Variants in METTL1 observed in about 807,000 individuals in gnomAD.
METTL1 encodes tRNA (guanine-N(7)-)-methyltransferase.
A neutral mutation model predicts 27.7 loss-of-function variants in METTL1; 14 were observed. The ratio of observed to expected loss-of-function variants is 0.51; its 90% confidence interval spans 0.33 to 0.79. METTL1 has a LOEUF of 0.79. METTL1 is among the 30% of genes least tolerant of loss of function. The pLI is 0.02. For synonymous variants in METTL1, 138 were observed against 137.0 expected, an observed-to-expected ratio of 1.01 and a Z score of -0.05; for missense variants, 333 against 359.6, an observed-to-expected ratio of 0.93 and a Z score of 0.60.
In METTL1 at chr12:57,771,083, CTGAG is replaced by C; in HGVS notation, c.274+7_274+10del. 6.2e-7 allele frequency: 1 copy of C among 1,611,904 alleles called. No individual in the cohort carries two copies. Among genetic ancestry groups the C allele is most frequent in the Non-Finnish European group, 8.5e-7 (1 of 1,179,450 alleles). On this transcript the variant is annotated splice_region_variant and intron_variant, in intron 2 of 5. Transcript: ENST00000324871. Reference sequence around the variant, plus strand: ...CCTCTTCTCACCCCAAAAAGAGGGCCTGAGTGTTACCTAACAGGCCACCATAGCC... The same window carrying C: ...CCTCTTCTCACCCCAAAAAGAGGGCCTGTTACCTAACAGGCCACCATAGCC...
rs540474063 is a variant in METTL1, at chr12:57,769,966, G to A, written c.275-10C>T. On this transcript the variant is annotated splice_polypyrimidine_tract_variant and intron_variant, in intron 2 of 5. Transcript: ENST00000324871. ...AGCGGTGACAGTTCCACTGCACACA[G>A]AAATAGCAATGGAATCATCAACCAT... 3.1e-6 allele frequency: 5 copies of A among 1,592,786 alleles called. No homozygotes were observed. The South Asian group carries it at 5.6e-5, about 18-fold the overall frequency.
intron 2 of METTL1, chr12:57,770,734 G>A: frequency 4.9e-6 from 1 of 202,074 alleles, no homozygotes; most frequent in South Asian, 1.0e-4. Context: ...GGGCAAAGGG[G>A]AGGGGAGATG....
chr12:57,768,685 G>A lies in METTL1; in HGVS notation c.*311C>T, dbSNP rs1191090451. ...GGACTACATTCCTCATTCCAGCTGA[G>A]GAGAGATCTCACAAGGAGAAAGGAG... On this transcript the variant is annotated 3_prime_UTR_variant, in exon 6 of 6. Coordinates refer to ENST00000324871, the MANE Select transcript of METTL1 (RefSeq NM_005371.6). The A allele has an allele frequency of 3.1e-6, 1 of 327,406 alleles. No individual in the cohort carries two copies. The highest frequency in any genetic ancestry group is 4.3e-5 in the Admixed American group (1 of 23,476). 20.3% of individuals were successfully genotyped at this position (327,406 alleles called of 1,614,324 possible). A position where few individuals can be genotyped will look rare whatever the true frequency, so the allele number is the denominator to read the frequency against.
At chr12:57,771,907 G>A (rs1355105517) in intron 1 of METTL1, 67 bp downstream of exon 1, 6 of 1,446,136 alleles carry the variant, frequency 4.1e-6, no homozygotes, top group Non-Finnish European at 5.5e-6. Flanking sequence ...AGCAGTTGCA[G>A]CACAACTGCT....
At chr12:57,769,980 A>C (rs1413561215) in intron 2 of METTL1, 24 bp from the exon 3 acceptor site, 1 of 1,576,546 alleles carries the variant, frequency 6.3e-7, no homozygotes, top group Admixed American at 1.8e-5. Flanking sequence ...TAGCAATGGA[A>C]TCATCAACCA....
At chr12:57,769,446 C>T (rs2140401206) in intron 4 of METTL1, 42 bp from the exon 5 acceptor site, 3 of 1,601,550 alleles carry the variant, frequency 1.9e-6, no homozygotes, top group South Asian at 2.2e-5. Context: ...CTGCATGCAA[C>T]GTCAGCAGCC....
At chr12:57,771,373 A>C (rs1955428999) in intron 1 of METTL1, 116 bp from the exon 2 acceptor site, 31 of 1,479,478 alleles carry the variant, frequency 2.1e-5, no homozygotes, top group Non-Finnish European at 2.6e-5. Flanking sequence ...AGGGTTTCTC[A>C]AAAATTCTGT....
Position 57,768,757 on chromosome 12 carries a change from G to A in METTL1, c.*239C>T. On this transcript the variant is annotated 3_prime_UTR_variant, in exon 6 of 6. Coordinates refer to ENST00000324871, the MANE Select transcript of METTL1 (RefSeq NM_005371.6). ...CACAGCCTTCCAAAGATCCCCTATG[G>A]TCCAAAGTCCTTTGACCATCTCAGT... The A allele has an allele frequency of 2.1e-6, 1 of 465,652 alleles. No homozygotes were observed. Among genetic ancestry groups the A allele is most frequent in the Non-Finnish European group, 3.8e-6 (1 of 261,026 alleles). The allele number at this position is 465,652 out of a possible 1,614,324, so 28.8% of individuals were successfully genotyped here. A position where few individuals can be genotyped will look rare whatever the true frequency, so the allele number is the denominator to read the frequency against.
At position 57,769,027 on chromosome 12, in the gene METTL1, AC is replaced by A. The variant is rs1399011390; in HGVS notation, c.799del (p.Val267Ter). On this transcript the variant is annotated frameshift_variant, in exon 6 of 6. Coordinates refer to ENST00000324871, the MANE Select transcript of METTL1 (RefSeq NM_005371.6). LOFTEE classifies it high-confidence loss of function. ...RRIQDPVLQA[V>X]TSQTSLPGH ...ACCAGGCAGGCTGGTTTGGGAGGTC[AC>A]TGCCTGGAGGACGGGATCTTGTATT... 8 of 1,607,528 alleles carry A rather than the reference AC, an allele frequency of 5.0e-6. No individual in the cohort carries two copies. The highest frequency in any genetic ancestry group is 3.3e-5 in the Admixed American group (2 of 59,932).
At position 57,768,851 on chromosome 12, in the gene METTL1, AG is replaced by A; in HGVS notation, c.*144del. On this transcript the variant is annotated 3_prime_UTR_variant, in exon 6 of 6. Transcript: ENST00000324871. Reference sequence around the variant, plus strand: ...GGAGCCAGGGGTAGTCATGAACACCAGTGGGTTCTGCCCTGGGCAGCTCCCC... The same window carrying A: ...GGAGCCAGGGGTAGTCATGAACACCATGGGTTCTGCCCTGGGCAGCTCCCC... 1 of 932,386 alleles carries A rather than the reference AG, an allele frequency of 1.1e-6. No homozygotes were observed. Among genetic ancestry groups the A allele is most frequent in the South Asian group, 2.1e-5 (1 of 46,536 alleles). 57.8% of individuals were successfully genotyped at this position (932,386 alleles called of 1,614,324 possible). A position where few individuals can be genotyped will look rare whatever the true frequency, so the allele number is the denominator to read the frequency against.
Position 57,769,006 on chromosome 12 carries a change from G to A in METTL1, c.821C>T (p.Pro274Leu). Residue 274 changes from proline to leucine, a missense_variant, in exon 6 of 6, where the codon CCT (proline) becomes CTT (leucine). By Grantham distance (98) the Pro-to-Leu change is moderately conservative. Coordinates refer to ENST00000324871, the MANE Select transcript of METTL1 (RefSeq NM_005371.6). ...AGGTAGAGTAAGCAGTCAGTGACCA[G>A]GCAGGCTGGTTTGGGAGGTCACTGC... The part of the protein sequence containing the change: ...LQAVTSQTSL[P>L]GH 6.2e-7 allele frequency: 1 copy of A among 1,602,438 alleles called. No individual in the cohort carries two copies. The highest frequency in any genetic ancestry group is 2.2e-5 in the East Asian group (1 of 44,520).
At chr12:57,771,008 G>T in intron 2 of METTL1, 86 bp downstream of exon 2, 2 of 1,457,890 alleles carry the variant, frequency 1.4e-6, no homozygotes, top group Non-Finnish European at 1.9e-6. Flanking sequence ...AAGGGGAAAG[G>T]CCAATTATGA....
chr12:57,770,011 A>T, intron 2 of METTL1, 55 bp from the exon 3 acceptor site: 1 of 1,524,048 alleles, frequency 6.6e-7, no homozygotes, highest in South Asian at 1.2e-5. Flanking sequence ...GGAAGTGCAA[A>T]GGGGTCAACA....
intron 4 of METTL1, 78 bp from the exon 5 acceptor site, chr12:57,769,482 C>T (rs77194942): frequency 0.038 from 59,967 of 1,583,050 alleles, 1,291 homozygotes; most frequent in African/African-American, 0.087. Context: ...TGGTGTGAGT[C>T]CCTAAATGCA....
chr12:57,769,240 G>A (rs983506626), intron 5 of METTL1, 63 bp downstream of exon 5: 8 of 1,611,498 alleles, frequency 5.0e-6, no homozygotes, highest in Non-Finnish European at 5.9e-6. Flanking sequence ...CTGGCACTGA[G>A]TTAAGTCCAA....
At position 57,769,913 on chromosome 12, in the gene METTL1, C is replaced by T. The variant is rs1955408662; in HGVS notation, c.318G>A (p.Leu106=). ...AGTCTGAGACCTTCACCCGGATCTC[C>T]AGACCCAGAATAAGTGTGTCTGGGA... The part of the protein sequence containing the change: ...PLFPDTLILG[L]EIRVKVSDYV... The change falls in exon 3 of 6, where the codon CTG becomes CTA. Residue 106 remains leucine, a synonymous_variant. Coordinates refer to ENST00000324871, the MANE Select transcript of METTL1 (RefSeq NM_005371.6). The T allele has an allele frequency of 6.2e-7, 1 of 1,613,146 alleles. No individual in the cohort carries two copies. The highest frequency in any genetic ancestry group is 2.2e-5 in the East Asian group (1 of 44,854).
Position 57,771,154 on chromosome 12 carries a change from T to C in METTL1, c.214A>G (p.Lys72Glu). The C allele has an allele frequency of 1.9e-6, 3 of 1,614,218 alleles. No homozygotes were observed. Among genetic ancestry groups the C allele is most frequent in the Admixed American group, 3.3e-5 (2 of 60,028 alleles). ...AACTCCACTTGGGCCTGAGCTCTCT[T>C]TTCTTTCTTATCCTTTGGGTCATCG... ...SHDDPKDKKE[K>E]RAQAQVEFAD... Residue 72 changes from lysine (K) to glutamate (E), a missense_variant, in exon 2 of 6, where the codon AAG (lysine) becomes GAG (glutamate). Transcript: ENST00000324871.
In METTL1 at chr12:57,768,879, CCTT is replaced by C. The variant is rs1331375271; in HGVS notation, c.*114_*116del. On this transcript the variant is annotated 3_prime_UTR_variant, in exon 6 of 6. Coordinates refer to ENST00000324871, the MANE Select transcript of METTL1 (RefSeq NM_005371.6). ...GGGTTCTGCCCTGGGCAGCTCCCCA[CCTT>C]CTTTAAGAGAGTACTGTGTCTCAGC... The C allele has an allele frequency of 7.4e-7, 1 of 1,352,376 alleles. No homozygotes were observed. Among genetic ancestry groups the C allele is most frequent in the African/African-American group, 1.4e-5 (1 of 69,108 alleles). 83.8% of individuals were successfully genotyped at this position (1,352,376 alleles called of 1,614,324 possible). A position where few individuals can be genotyped will look rare whatever the true frequency, so the allele number is the denominator to read the frequency against.
Position 57,768,940 on chromosome 12 carries a change from C to A in METTL1, c.*56G>T, listed in dbSNP as rs761210130. ...GTCTCAACTGGGAAGACCCAGGACT[C>A]CTGCTCTTTTCTCTAATCCCTGGGA... is the stretch of plus-strand genomic sequence containing the variant. On this transcript the variant is annotated 3_prime_UTR_variant, in exon 6 of 6. Transcript: ENST00000324871. 5.0e-5 allele frequency: 78 copies of A among 1,568,406 alleles called. No individual in the cohort carries two copies. The highest frequency in any genetic ancestry group is 6.6e-5 in the Non-Finnish European group (76 of 1,148,382).
Sources: gnomAD v4.1 joint callset for allele counts on GRCh38, gnomAD v4.1.1 for gene constraint, MANE v1.5 for transcripts, NCBI Gene and HGNC (gene_info 2026-07-23, HGNC 2026-07-21) for gene names.